ACOT12: variants seen among roughly 807,000 people sequenced by gnomAD.
ACOT12 encodes acetyl-coenzyme A thioesterase.
Under a neutral mutation model 67.7 loss-of-function variants are expected in ACOT12, and 51 were observed. The ratio of observed to expected loss-of-function variants is 0.75; its 90% CI spans 0.60 to 0.95. The LOEUF (loss-of-function observed/expected upper bound fraction) is 0.95, where lower values mean the gene tolerates loss of function less well. Among genes scored for constraint, ACOT12 ranks in the 40% least tolerant of loss-of-function variants. The pLI is 0.00. For synonymous variants in ACOT12, 251 were observed against 244.6 expected (o/e 1.03, Z -0.24); for missense variants, 734 against 708.1 (o/e 1.04, Z -0.41).
At chr5:81,393,767 G>A (rs1760925784) in intron 1 of ACOT12, among the ~76,000 whole-genome samples, 1 of 151,588 alleles carries the variant, frequency 6.6e-6, no homozygotes, top group Admixed American at 6.6e-5. Context: ...CTCCTCACTT[G>A]TTTAATGGAA....
At chr5:81,375,618 G>GAAATCATAACAAACAGT (rs1213229451) in intron 2 of ACOT12, among the ~76,000 whole-genome samples, 1 of 151,436 alleles carries the variant, frequency 6.6e-6, no homozygotes, top group Non-Finnish European at 1.5e-5. Context: ...ACATACATAG[G>GAAATCATAACAAACAGT]CTCAAAATAA....
intron 5 of ACOT12, among the ~76,000 whole-genome samples, chr5:81,349,899 C>T (rs1465692603): frequency 6.6e-6 from 1 of 152,130 alleles, no homozygotes; most frequent in Non-Finnish European, 1.5e-5. Context: ...CCCCACTGGT[C>T]CCCATTTTTG....
At position 81,343,237 on chromosome 5, in the gene ACOT12, GA is replaced by G. The variant is rs200501785; in HGVS notation, c.1045-483del. 1.2e-3 allele frequency among the ~76,000 whole-genome samples: 178 copies of G among 144,656 alleles called. 1 individual carries two copies. Among genetic ancestry groups the G allele is most frequent in the Admixed American group, 2.6e-3 (38 of 14,444 alleles). 94.9% of individuals were successfully genotyped at this position (144,656 alleles called of 152,430 possible). A position where few individuals can be genotyped will look rare whatever the true frequency, so the allele number is the denominator to read the frequency against. On this transcript the variant is annotated intron_variant, in intron 10 of 14. Coordinates refer to ENST00000307624, the MANE Select transcript of ACOT12 (RefSeq NM_130767.3). ...CAAAAACAAAAACAAAAGCAAAAAC[GA>G]AAAAAAAACAAACAAAAGTAAAAAG... is the stretch of plus-strand genomic sequence containing the variant.
At chr5:81,391,158 T>A (rs1353344093) in intron 1 of ACOT12, among the ~76,000 whole-genome samples, 2 of 152,234 alleles carry the variant, frequency 1.3e-5, no homozygotes, top group African/African-American at 4.8e-5. Flanking sequence ...GTATACATGA[T>A]TCAAGATTTG....
chr5:81,379,261 G>A (rs1460167966), intron 2 of ACOT12, among the ~76,000 whole-genome samples: 3 of 142,398 alleles, frequency 2.1e-5, no homozygotes, highest in Admixed American at 7.1e-5. Flanking sequence ...GTTCTCACTT[G>A]TAAGTGGGAG....
chr5:81,351,592 C>A (rs1759554250), intron 5 of ACOT12, among the ~76,000 whole-genome samples: 1 of 152,190 alleles, frequency 6.6e-6, no homozygotes, highest in Non-Finnish European at 1.5e-5. Context: ...TTACCATACA[C>A]AAAAATCAAA....
intron 5 of ACOT12, among the ~76,000 whole-genome samples, chr5:81,354,492 AG>A (rs1432162909): frequency 1.3e-5 from 2 of 152,090 alleles, no homozygotes; most frequent in Non-Finnish European, 2.9e-5. Context: ...TGTTACCTTG[AG>A]GGGGGTGTGA....
At chr5:81,355,540 A>T (rs1449472607) in intron 5 of ACOT12, among the ~76,000 whole-genome samples, 1 of 152,260 alleles carries the variant, frequency 6.6e-6, no homozygotes, top group Non-Finnish European at 1.5e-5. Context: ...GATAGAGAGC[A>T]GAAGGATGGT....
At chr5:81,361,067 G>A (rs1759889565) in intron 4 of ACOT12, among the ~76,000 whole-genome samples, 2 of 103,592 alleles carry the variant, frequency 1.9e-5, no homozygotes, top group Admixed American at 1.5e-4. Context: ...GACAGAGTGA[G>A]ACTCCATCTC....
intron 3 of ACOT12, among the ~76,000 whole-genome samples, chr5:81,364,722 T>A (rs546298497): frequency 6.6e-6 from 1 of 152,330 alleles, no homozygotes; most frequent in South Asian, 2.1e-4. Flanking sequence ...CCACTGCACC[T>A]GGCCTGTTCC....
intron 1 of ACOT12, among the ~76,000 whole-genome samples, chr5:81,393,275 C>T (rs973530171): frequency 3.3e-5 from 5 of 152,100 alleles, no homozygotes; most frequent in Non-Finnish European, 7.4e-5. Context: ...CACTTTTGTT[C>T]TTGTGGAAAA....
intron 3 of ACOT12, among the ~76,000 whole-genome samples, chr5:81,368,881 T>C (rs1484924758): frequency 6.6e-6 from 1 of 151,762 alleles, no homozygotes; most frequent in Non-Finnish European, 1.5e-5. Context: ...TCATTCCATT[T>C]ATACAAAATA....
At chr5:81,342,266 C>T (rs1339065528) in intron 11 of ACOT12, among the ~76,000 whole-genome samples, 2 of 152,174 alleles carry the variant, frequency 1.3e-5, no homozygotes, top group African/African-American at 4.8e-5. Context: ...ACTAGGATTA[C>T]AGACGTGAGC....
chr5:81,310,625 G>A, the ACOT12 span, among the ~76,000 whole-genome samples: 6 of 152,208 alleles, frequency 3.9e-5, no homozygotes, highest in Non-Finnish European at 8.8e-5. Context: ...GAAACCACAT[G>A]TGTTGTAATT....
intron 12 of ACOT12, 68 bp downstream of exon 12, chr5:81,335,700 T>G (rs74794658): frequency 0.017 from 26,328 of 1,517,004 alleles, 313 homozygotes; most frequent in African/African-American, 0.049. Context: ...GAGATGGACT[T>G]CAGTATGGAG....
intron 3 of ACOT12, among the ~76,000 whole-genome samples, chr5:81,370,884 C>A (rs913666351): frequency 1.3e-5 from 2 of 152,138 alleles, no homozygotes; most frequent in African/African-American, 4.8e-5. Flanking sequence ...TGAGATCCAG[C>A]AACTCCTTTC....
At chr5:81,337,053 C>G (rs76919372) in intron 11 of ACOT12, among the ~76,000 whole-genome samples, 3 of 152,184 alleles carry the variant, frequency 2.0e-5, no homozygotes, top group Admixed American at 2.0e-4. Flanking sequence ...GGATGGGGCT[C>G]CAGGTGGCTG....
intron 12 of ACOT12, among the ~76,000 whole-genome samples, chr5:81,334,379 ATGC>A (rs1488931250): frequency 6.6e-6 from 1 of 152,132 alleles, no homozygotes; most frequent in Non-Finnish European, 1.5e-5. Flanking sequence ...TCAACCCTAG[ATGC>A]TGCCGTGGGG....
chr5:81,374,376 A>T (rs550116086), intron 2 of ACOT12, among the ~76,000 whole-genome samples: 30 of 152,356 alleles, frequency 2.0e-4, no homozygotes, highest in South Asian at 1.7e-3. Flanking sequence ...ACCCATGAAG[A>T]TGGGGAGAAA....
Sources: allele counts gnomAD v4.1 joint callset (sites outside exome capture counted in the v4.1 genomes callset), GRCh38; gene constraint gnomAD v4.1.1; transcripts MANE v1.5; gene names NCBI Gene and HGNC (gene_info 2026-07-23, HGNC 2026-07-21).